WDR27: variants seen among roughly 807,000 people sequenced by gnomAD.
WDR27 encodes WD repeat domain 27, also known as WD repeat-containing protein 27.
Under a neutral mutation model 114.4 loss-of-function variants are expected in WDR27, and 100 were observed. That is an observed-to-expected ratio of 0.87 (90% confidence interval 0.74 to 1.03). WDR27 has a LOEUF of 1.03. Among genes scored for constraint, WDR27 ranks in the 50% least tolerant of loss-of-function variants. The pLI, the probability that WDR27 is intolerant of heterozygous loss-of-function variation, is 0.00. For missense variants in WDR27, 1,129 were observed against 1,092.9 expected (o/e 1.03, Z -0.47); for synonymous variants, 449 against 423.1 (o/e 1.06, Z -0.75).
Position 169,659,338 on chromosome 6 carries a change from G to A in WDR27, c.1197+113C>T, listed in dbSNP as rs1385575492. 1.7e-5 allele frequency: 27 copies of A among 1,570,190 alleles called. No individual in the cohort carries two copies. Among genetic ancestry groups the A allele is most frequent in the Middle Eastern group, 3.4e-4 (2 of 5,866 alleles). On this transcript the variant is annotated intron_variant, in intron 11 of 25. Coordinates refer to ENST00000448612, the MANE Select transcript of WDR27 (RefSeq NM_182552.5). The surrounding 1 kb of genome is among the most constrained non-coding windows in gnomAD (Gnocchi z 4.3). ...GACATCGCCCTGTCACTCCTAAAAC[G>A]TTTTTACACACAAAATCCCGTTTAC... is the stretch of plus-strand genomic sequence containing the variant.
At chr6:169,503,392 C>T (rs1037701129) in intron 25 of WDR27, among the ~76,000 whole-genome samples, 1 of 152,172 alleles carries the variant, frequency 6.6e-6, no homozygotes, top group African/African-American at 2.4e-5. Context: ...TGTATTGATA[C>T]TCCAGTCAGT....
At chr6:169,592,015 T>A (rs1284670207) in intron 23 of WDR27, among the ~76,000 whole-genome samples, 1 of 152,142 alleles carries the variant, frequency 6.6e-6, no homozygotes, top group East Asian at 1.9e-4. Flanking sequence ...GGAATGTCAC[T>A]GCTTCCAAGC....
intron 25 of WDR27, among the ~76,000 whole-genome samples, chr6:169,510,087 C>T (rs1340338011): frequency 2.6e-5 from 4 of 152,130 alleles, no homozygotes; most frequent in East Asian, 3.9e-4. Flanking sequence ...TGAGATACCA[C>T]CTCACACCAG....
chr6:169,596,563 T>C (rs1806827173), intron 23 of WDR27, among the ~76,000 whole-genome samples: 1 of 152,136 alleles, frequency 6.6e-6, no homozygotes, highest in African/African-American at 2.4e-5. Context: ...CACATTTTTA[T>C]GGTGTACTCT....
At chr6:169,440,307 A>T in the WDR27 span, among the ~76,000 whole-genome samples, 1 of 152,102 alleles carries the variant, frequency 6.6e-6, no homozygotes, top group Non-Finnish European at 1.5e-5. Flanking sequence ...CTGTAATTCA[A>T]TTTTTCTCTC....
At chr6:169,581,169 G>A (rs1444608037) in intron 24 of WDR27, among the ~76,000 whole-genome samples, 1 of 151,736 alleles carries the variant, frequency 6.6e-6, no homozygotes, top group African/African-American at 2.4e-5. Flanking sequence ...TAATCTCAAG[G>A]GCAAGAGAGA....
the WDR27 span, among the ~76,000 whole-genome samples, chr6:169,440,263 T>C: frequency 6.6e-6 from 1 of 152,342 alleles, no homozygotes; most frequent in Non-Finnish European, 1.5e-5. Flanking sequence ...TATCTACCTG[T>C]AGGCTGGACA....
chr6:169,658,376 C>A lies in WDR27; in HGVS notation c.1320-18G>T. Reference sequence around the variant, plus strand: ...CACAGGAGCTGAAACAGAAACAAGCCCCATGAAACTAGGAGCGCAAACGAC... The same window carrying A: ...CACAGGAGCTGAAACAGAAACAAGCACCATGAAACTAGGAGCGCAAACGAC... On this transcript the variant is annotated intron_variant, in intron 12 of 25. Transcript: ENST00000448612. 6.3e-7 allele frequency: 1 copy of A among 1,580,756 alleles called. No individual in the cohort carries two copies. Among genetic ancestry groups the A allele is most frequent in the East Asian group, 2.3e-5 (1 of 43,502 alleles).
chr6:169,465,684 C>G (rs1785493004), intron 25 of WDR27, among the ~76,000 whole-genome samples: 1 of 152,132 alleles, frequency 6.6e-6, no homozygotes. Context: ...AAAGTGTGGA[C>G]CACACAATGG....
intron 3 of WDR27, chr6:169,671,348 G>A (rs1350043806): frequency 6.6e-6 from 1 of 152,412 alleles, no homozygotes; most frequent in Non-Finnish European, 1.5e-5. Context: ...AGTCTAGACA[G>A]AGACACGTGC....
intron 8 of WDR27, among the ~76,000 whole-genome samples, chr6:169,662,848 C>T (rs188762953): frequency 4.5e-5 from 6 of 134,368 alleles, no homozygotes; most frequent in South Asian, 2.6e-4. Flanking sequence ...CCCAGCATGA[C>T]GCGTGTGCAC....
chr6:169,672,121 T>A, intron 3 of WDR27, 134 bp downstream of exon 3: 1 of 879,430 alleles, frequency 1.1e-6, no homozygotes, highest in South Asian at 2.0e-5. Context: ...GTAAAGAGAG[T>A]ACAAAATTAT....
In WDR27 at chr6:169,640,484, C is replaced by A. The variant is rs1460295189; in HGVS notation, c.1748-1824G>T. Among the ~76,000 whole-genome samples the A allele has an allele frequency of 2.0e-5, 3 of 152,210 alleles. 1 individual carries two copies. In the East Asian group the frequency reaches 5.8e-4, roughly 29 times the overall value. ...GGCAGTTTTAGCAAAAGTACAGAGG[C>A]TGGTTAAGGAAAGCTCCAAACATTC... On this transcript the variant is annotated intron_variant, in intron 17 of 25. Coordinates refer to ENST00000448612, the MANE Select transcript of WDR27 (RefSeq NM_182552.5).
At chr6:169,489,436 G>A (rs1027999542) in intron 25 of WDR27, among the ~76,000 whole-genome samples, 7 of 152,198 alleles carry the variant, frequency 4.6e-5, no homozygotes, top group Admixed American at 2.0e-4. Flanking sequence ...GGGCAGCCAC[G>A]CCCATCGCCC....
intron 21 of WDR27, among the ~76,000 whole-genome samples, chr6:169,616,029 A>C (rs183753901): frequency 6.6e-6 from 1 of 152,128 alleles, no homozygotes; most frequent in East Asian, 1.9e-4. Context: ...AAGATTATAT[A>C]AGCACTAGAA....
chr6:169,647,435 C>A (rs1014829945), intron 16 of WDR27, among the ~76,000 whole-genome samples: 3 of 152,200 alleles, frequency 2.0e-5, no homozygotes, highest in Non-Finnish European at 2.9e-5. Context: ...TCTTTGCCTG[C>A]CGAAGCCCTC....
chr6:169,542,088 A>G (rs1158309517), intron 25 of WDR27, among the ~76,000 whole-genome samples: 1 of 152,226 alleles, frequency 6.6e-6, no homozygotes, highest in Non-Finnish European at 1.5e-5. Flanking sequence ...TGTCTAGCTC[A>G]TAATTTATTT....
At chr6:169,517,368 ATT>A (rs1793808755) in intron 25 of WDR27, among the ~76,000 whole-genome samples, 1 of 152,164 alleles carries the variant, frequency 6.6e-6, no homozygotes, top group Non-Finnish European at 1.5e-5. Flanking sequence ...AGCCTCAGGT[ATT>A]TCTTTATAGC....
chr6:169,549,364 G>A (rs548253638), intron 25 of WDR27, among the ~76,000 whole-genome samples: 65 of 152,138 alleles, frequency 4.3e-4, no homozygotes, highest in Non-Finnish European at 5.7e-4. Flanking sequence ...TCCAGAACAT[G>A]GAAAACACCA....
Sources: allele counts gnomAD v4.1 joint callset (sites outside exome capture counted in the v4.1 genomes callset), GRCh38; gene constraint gnomAD v4.1.1; non-coding constraint Gnocchi (gnomAD v3.1); transcripts MANE v1.5; gene names NCBI Gene and HGNC (gene_info 2026-07-23, HGNC 2026-07-21).